GOLGA5: variants seen among roughly 807,000 people sequenced by gnomAD.
The protein encoded by GOLGA5 is golgin A5.
In GOLGA5, 50 loss-of-function variants were observed where a neutral mutation model predicts 93.5. The ratio of observed to expected loss-of-function variants is 0.53; its 90% CI spans 0.43 to 0.68. The LOEUF is 0.68. Among genes scored for constraint, GOLGA5 ranks in the 30% least tolerant of loss-of-function variants. GOLGA5 has a pLI of 0.00. For synonymous variants in GOLGA5, 312 were observed against 304.5 expected (o/e 1.02, Z -0.26); for missense variants, 760 against 856.4 (o/e 0.89, Z 1.40).
In GOLGA5 at chr14:92,824,559, TAGA is replaced by T. The variant is rs758937655; in HGVS notation, c.1641_1643del (p.Glu547del). The T allele has an allele frequency of 2.5e-6, 4 of 1,588,226 alleles. No homozygotes were observed. The highest frequency in any genetic ancestry group is 3.5e-6 in the Non-Finnish European group (4 of 1,159,014). On this transcript the variant is annotated inframe_deletion, in exon 9 of 13. Coordinates refer to ENST00000163416, the MANE Select transcript of GOLGA5 (RefSeq NM_005113.4). ...CTCACTTTGCAGGAGTTCCACTATA[TAGA>T]AGAAGATCTTTATCGAACAAAGAAC... is the stretch of plus-strand genomic sequence containing the variant.
chr14:92,819,523 T>C (rs1276808213), intron 7 of GOLGA5, among the ~76,000 whole-genome samples, 185 bp from the exon 8 acceptor site: 4 of 151,302 alleles, frequency 2.6e-5, no homozygotes, highest in Non-Finnish European at 5.9e-5. Flanking sequence ...GTCCCGCTAC[T>C]CGGGAGGCTG....
intron 1 of GOLGA5, among the ~76,000 whole-genome samples, chr14:92,794,941 G>C (rs909302448): frequency 6.6e-6 from 1 of 152,326 alleles, no homozygotes; most frequent in Non-Finnish European, 1.5e-5. Flanking sequence ...TGCCTCTGAA[G>C]TCCTTCGTGT....
At chr14:92,834,974 G>C (rs1057023104) in intron 10 of GOLGA5, among the ~76,000 whole-genome samples, 3 of 152,214 alleles carry the variant, frequency 2.0e-5, no homozygotes, top group Non-Finnish European at 2.9e-5. Context: ...TGGCAGATGA[G>C]ATACGGAGTT....
intron 4 of GOLGA5, among the ~76,000 whole-genome samples, chr14:92,809,752 G>A (rs564319188): frequency 1.3e-5 from 2 of 152,182 alleles, no homozygotes; most frequent in East Asian, 1.9e-4. Context: ...TTGGGAGTTC[G>A]AGACCAGCCT....
At chr14:92,802,520 T>C (rs1362679762) in intron 2 of GOLGA5, among the ~76,000 whole-genome samples, 2 of 152,090 alleles carry the variant, frequency 1.3e-5, no homozygotes, top group African/African-American at 2.4e-5. Flanking sequence ...ACCAGTTTTG[T>C]ATCTTGTTCT....
chr14:92,826,039 CA>C (rs1885414071), intron 9 of GOLGA5, among the ~76,000 whole-genome samples: 2 of 151,868 alleles, frequency 1.3e-5, no homozygotes, highest in African/African-American at 2.4e-5. Flanking sequence ...CTGTAAGTCC[CA>C]GCTACTTGGG....
intron 11 of GOLGA5, among the ~76,000 whole-genome samples, chr14:92,837,012 C>G (rs186187762): frequency 3.3e-5 from 5 of 151,330 alleles, no homozygotes; most frequent in Admixed American, 3.3e-4. Flanking sequence ...CAGAGGTTGC[C>G]GTGGGCAGAG....
chr14:92,811,826 G>T, intron 6 of GOLGA5, 72 bp downstream of exon 6: 1 of 1,057,684 alleles, frequency 9.5e-7, no homozygotes, highest in Admixed American at 1.8e-5. Flanking sequence ...AGACTGTGTA[G>T]ATACTGTGTG....
Position 92,833,309 on chromosome 14 carries a change from G to C in GOLGA5, c.1907G>C (p.Gly636Ala). 1 of 1,612,188 alleles carries C rather than the reference G, an allele frequency of 6.2e-7. No individual in the cohort carries two copies. ...MNSASGSSSN[G>A]SSINMSGIDN... ...TCCGCCTCTGGAAGTAGTAGTAATG[G>C]GTCTTCGATTAATATGTCTGGAATT... Residue 636 changes from glycine (G) to alanine (A), a missense_variant, in exon 10 of 13, where the codon GGG (glycine) becomes GCG (alanine). By Grantham distance (60) the Gly-to-Ala change is moderately conservative. Coordinates refer to ENST00000163416, the MANE Select transcript of GOLGA5 (RefSeq NM_005113.4).
intron 9 of GOLGA5, among the ~76,000 whole-genome samples, chr14:92,827,630 A>C (rs891644962): frequency 6.6e-6 from 1 of 152,238 alleles, no homozygotes; most frequent in African/African-American, 2.4e-5. Context: ...CTCTCACATT[A>C]AGTGAAAAGC....
chr14:92,804,165 A>T (rs554582834), intron 2 of GOLGA5, among the ~76,000 whole-genome samples: 3 of 152,108 alleles, frequency 2.0e-5, no homozygotes, highest in African/African-American at 7.2e-5. Flanking sequence ...ACTGCCTTAG[A>T]TATCATCCCA....
At chr14:92,800,603 C>T (rs777773550) in intron 2 of GOLGA5, among the ~76,000 whole-genome samples, 4 of 152,180 alleles carry the variant, frequency 2.6e-5, no homozygotes, top group Non-Finnish European at 5.9e-5. Flanking sequence ...GCTTTAGAAT[C>T]GCTTGTGTGT....
chr14:92,837,435 G>T lies in GOLGA5; in HGVS notation c.2101G>T (p.Val701Leu). 6.9e-7 allele frequency: 1 copy of T among 1,448,094 alleles called. No individual in the cohort carries two copies. Among genetic ancestry groups the T allele is most frequent in the Non-Finnish European group, 9.7e-7 (1 of 1,029,832 alleles). 89.7% of individuals were successfully genotyped at this position (1,448,094 alleles called of 1,614,324 possible). A position where few individuals can be genotyped will look rare whatever the true frequency, so the allele number is the denominator to read the frequency against. The change falls in exon 12 of 13, where the codon GTA becomes TTA. Residue 701 changes from valine (V) to leucine (L), a missense_variant. Coordinates refer to ENST00000163416, the MANE Select transcript of GOLGA5 (RefSeq NM_005113.4). Reference protein sequence around the residue: ...LRRYPIARVFVIIYMALLHLW... With the variant: ...LRRYPIARVFLIIYMALLHLW... ...AAGATACCCCATAGCGCGAGTTTTTGTAATTATATATATGGTAAGTAAATT... is the reference window on the plus strand; with the variant it reads ...AAGATACCCCATAGCGCGAGTTTTTTTAATTATATATATGGTAAGTAAATT...
Position 92,806,835 on chromosome 14 carries a change from CTAA to C in GOLGA5, c.646_648del (p.Asn216del). 1 of 1,613,298 alleles carries C rather than the reference CTAA, an allele frequency of 6.2e-7. No individual in the cohort carries two copies. The highest frequency in any genetic ancestry group is 8.5e-7 in the Non-Finnish European group (1 of 1,179,318). On this transcript the variant is annotated inframe_deletion, in exon 3 of 13. Coordinates refer to ENST00000163416, the MANE Select transcript of GOLGA5 (RefSeq NM_005113.4). ...GCCTGCCCTGACCACACCCCAACAC[CTAA>C]TGATGATGGCAAATCACATGAACTG...
chr14:92,804,527 C>T (rs1412432318), intron 2 of GOLGA5, among the ~76,000 whole-genome samples: 1 of 152,046 alleles, frequency 6.6e-6, no homozygotes, highest in Admixed American at 6.6e-5. Context: ...ACCCTCCGCA[C>T]AATTAATTTG....
At chr14:92,795,131 G>T (rs552769997) in intron 1 of GOLGA5, among the ~76,000 whole-genome samples, 7 of 152,174 alleles carry the variant, frequency 4.6e-5, no homozygotes, top group African/African-American at 1.7e-4. Context: ...TAGAGACAGG[G>T]TCTTGCCATG....
chr14:92,799,716 C>G (rs533574459), intron 2 of GOLGA5, among the ~76,000 whole-genome samples: 3 of 152,252 alleles, frequency 2.0e-5, no homozygotes, highest in South Asian at 2.1e-4. Context: ...AAGCGATTCT[C>G]CATTTCAGCC....
intron 10 of GOLGA5, among the ~76,000 whole-genome samples, chr14:92,835,323 T>G (rs1885617896): frequency 6.6e-6 from 1 of 152,254 alleles, no homozygotes; most frequent in African/African-American, 2.4e-5. Flanking sequence ...AATTTCTTAA[T>G]TTTTGCTAAA....
rs911437998 is a variant in GOLGA5 at position 92,798,902 on chromosome 14, T to G, written c.544+921T>G. 6.6e-5 allele frequency among the ~76,000 whole-genome samples: 10 copies of G among 152,176 alleles called. 1 individual carries two copies. Among genetic ancestry groups the G allele is most frequent in the Admixed American group, 5.9e-4 (9 of 15,278 alleles). The stretch of plus-strand genomic sequence containing the variant: ...CTACACTCCAGCCTGGGCCGTAGAA[T>G]GAGACGCTGTCTCCAAAGATAAAAA... On this transcript the variant is annotated intron_variant, in intron 2 of 12. Coordinates refer to ENST00000163416, the MANE Select transcript of GOLGA5 (RefSeq NM_005113.4).
Sources: allele counts gnomAD v4.1 joint callset (sites outside exome capture counted in the v4.1 genomes callset), GRCh38; gene constraint gnomAD v4.1.1; transcripts MANE v1.5; gene names NCBI Gene and HGNC (gene_info 2026-07-23, HGNC 2026-07-21).